The following LRRIQ3 variants were observed in gnomAD, a reference collection of about 807,000 sequenced individuals.
LRRIQ3 encodes the protein leucine-rich repeat and IQ domain-containing protein 3.
Under a neutral mutation model 59.3 loss-of-function variants are expected in LRRIQ3, and 75 were observed. The observed-to-expected ratio is 1.26, with a 90% CI of 1.05 to 1.53. The LOEUF is 1.53. Among genes scored for constraint, LRRIQ3 ranks in the 40% most tolerant of loss-of-function variants. The probability of loss-of-function intolerance (pLI) is 0.00; values close to 1 mark genes in which losing one functional copy is unlikely to be tolerated. For missense variants in LRRIQ3, 831 were observed against 710.0 expected, an observed-to-expected ratio of 1.17 and a Z score of -1.94; for synonymous variants, 250 against 231.3, an observed-to-expected ratio of 1.08 and a Z score of -0.73.
intron 1 of LRRIQ3, among the ~76,000 whole-genome samples, chr1:74,191,337 C>T (rs1182228154): frequency 6.6e-6 from 1 of 151,960 alleles, no homozygotes; most frequent in Admixed American, 6.6e-5. Context: ...GTCAGATACT[C>T]ATATCTATGT....
chr1:74,067,954 A>G (rs1349688270), intron 6 of LRRIQ3, among the ~76,000 whole-genome samples: 1 of 152,088 alleles, frequency 6.6e-6, no homozygotes. Flanking sequence ...TTTTTACTAT[A>G]AGGTAACTTG....
chr1:74,041,785 A>G lies in LRRIQ3; in HGVS notation c.1146T>C (p.Pro382=), dbSNP rs1211152575. 8.1e-6 allele frequency: 13 copies of G among 1,613,538 alleles called. No homozygotes were observed. The highest frequency in any genetic ancestry group is 1.3e-5 in the African/African-American group (1 of 74,896). ...TTGGATGAGTAGTATAGATTGGCTG[A>G]GGATATGCAGGAAAAAAATGTTGTT... ...EKKQHFFPAY[P]QPIYTTHPKP... The change falls in exon 7 of 8, where the codon CCT becomes CCC. Residue 382 remains proline (P), a synonymous_variant. Coordinates refer to ENST00000354431, the MANE Select transcript of LRRIQ3 (RefSeq NM_001105659.2).
At chr1:74,110,698 C>T (rs1416460173) in intron 4 of LRRIQ3, among the ~76,000 whole-genome samples, 1 of 152,004 alleles carries the variant, frequency 6.6e-6, no homozygotes, top group Non-Finnish European at 1.5e-5. Flanking sequence ...AATCTTCTCA[C>T]TTCTAAGATG....
chr1:74,183,760 C>T, intron 1 of LRRIQ3, 76 bp from the exon 2 acceptor site: 1 of 1,297,856 alleles, frequency 7.7e-7, no homozygotes, highest in Non-Finnish European at 1.0e-6. Flanking sequence ...AAAATTTTGC[C>T]AAGAGATAGC....
Position 74,041,861 on chromosome 1 carries a change from G to C in LRRIQ3, c.1070C>G (p.Pro357Arg). The change falls in exon 7 of 8, where the codon CCC becomes CGC. Residue 357 changes from proline to arginine, a missense_variant. Coordinates refer to ENST00000354431, the MANE Select transcript of LRRIQ3 (RefSeq NM_001105659.2). Reference protein sequence around the residue: ...TSFRISVFKLPIYTSGSLKNN... With the variant: ...TSFRISVFKLRIYTSGSLKNN... ...CTTCAATGAACCTGAAGTGTATATG[G>C]GTAGTTTGAAAACTGATATCCTAAA... 1.9e-6 allele frequency: 3 copies of C among 1,612,206 alleles called. No homozygotes were observed. The highest frequency in any genetic ancestry group is 1.7e-6 in the Non-Finnish European group (2 of 1,179,278).
intron 6 of LRRIQ3, 48 bp from the exon 7 acceptor site, chr1:74,041,981 C>A: frequency 7.0e-7 from 1 of 1,425,282 alleles, no homozygotes; most frequent in Admixed American, 2.5e-5. Flanking sequence ...GAGCTAAGTA[C>A]ATTTTATTTT....
rs1476652868 is a variant in LRRIQ3, at chr1:74,088,608, G to A, written c.868-13818C>T. ...CTCAACAAATGGTAGTGGGACAAGTGGATATCTATATGTAAAATAATAAAG... is the reference window on the plus strand; with the variant it reads ...CTCAACAAATGGTAGTGGGACAAGTAGATATCTATATGTAAAATAATAAAG... On this transcript the variant is annotated intron_variant, in intron 5 of 7. Coordinates refer to ENST00000354431, the MANE Select transcript of LRRIQ3 (RefSeq NM_001105659.2). 2.0e-5 allele frequency among the ~76,000 whole-genome samples: 3 copies of A among 151,792 alleles called. No homozygotes were observed. In the South Asian group the frequency reaches 6.2e-4, roughly 31 times the overall value.
At chr1:74,042,029 T>A in intron 6 of LRRIQ3, 96 bp from the exon 7 acceptor site, 1 of 1,197,464 alleles carries the variant, frequency 8.4e-7, no homozygotes, top group Non-Finnish European at 1.1e-6. Flanking sequence ...AAGAACCTTT[T>A]ATTTACTTTA....
chr1:74,136,654 C>T (rs1386100285), intron 4 of LRRIQ3, among the ~76,000 whole-genome samples: 1 of 151,892 alleles, frequency 6.6e-6, no homozygotes, highest in African/African-American at 2.4e-5. Flanking sequence ...TTCTTATCCA[C>T]CATTCAAAAT....
At chr1:74,083,033 C>T (rs374299506) in intron 5 of LRRIQ3, 1 of 151,602 alleles carries the variant, frequency 6.6e-6, no homozygotes, top group African/African-American at 2.4e-5. Context: ...CCGCCAAATG[C>T]CACATGTATC....
At chr1:74,112,341 T>C (rs1438789964) in intron 4 of LRRIQ3, among the ~76,000 whole-genome samples, 1 of 152,082 alleles carries the variant, frequency 6.6e-6, no homozygotes, top group Non-Finnish European at 1.5e-5. Flanking sequence ...CAGTAGAGAT[T>C]ATGATGTTAA....
chr1:74,080,376 A>C (rs1206275047), intron 5 of LRRIQ3, among the ~76,000 whole-genome samples: 1 of 151,728 alleles, frequency 6.6e-6, no homozygotes, highest in Non-Finnish European at 1.5e-5. Flanking sequence ...CAATTGACAA[A>C]TTGAATAAGT....
chr1:74,030,203 T>C (rs1227149417), intron 7 of LRRIQ3, among the ~76,000 whole-genome samples: 1 of 152,032 alleles, frequency 6.6e-6, no homozygotes, highest in African/African-American at 2.4e-5. Flanking sequence ...CCCAAGGTAA[T>C]TTATAGATTC....
chr1:74,135,974 A>T (rs186480541), intron 4 of LRRIQ3, among the ~76,000 whole-genome samples: 16 of 152,018 alleles, frequency 1.1e-4, no homozygotes, highest in African/African-American at 3.9e-4. Flanking sequence ...TGAAAATATC[A>T]ACAAAATGGC....
chr1:74,142,221 C>G (rs1647290590), intron 4 of LRRIQ3, among the ~76,000 whole-genome samples: 1 of 151,846 alleles, frequency 6.6e-6, no homozygotes, highest in South Asian at 2.1e-4. Flanking sequence ...TAGGAACCTC[C>G]ATATTTTTCC....
intron 1 of LRRIQ3, among the ~76,000 whole-genome samples, chr1:74,196,007 T>G (rs2100751534): frequency 6.6e-6 from 1 of 152,108 alleles, no homozygotes; most frequent in South Asian, 2.1e-4. Context: ...TTTTAATTTT[T>G]TTTTTACTAA....
intron 5 of LRRIQ3, among the ~76,000 whole-genome samples, chr1:74,096,320 T>C (rs535367062): frequency 1.4e-4 from 21 of 152,226 alleles, no homozygotes; most frequent in African/African-American, 7.2e-5. Flanking sequence ...GTATGGTGGA[T>C]CCTTTAAAAA....
At chr1:74,059,007 G>T (rs1238941130) in intron 6 of LRRIQ3, among the ~76,000 whole-genome samples, 6 of 151,970 alleles carry the variant, frequency 3.9e-5, no homozygotes, top group Non-Finnish European at 7.4e-5. Context: ...ATCTGAATGG[G>T]TGTGAAATAG....
At chr1:74,047,506 G>T (rs1654240589) in intron 6 of LRRIQ3, among the ~76,000 whole-genome samples, 1 of 151,960 alleles carries the variant, frequency 6.6e-6, no homozygotes, top group Non-Finnish European at 1.5e-5. Context: ...ATGGGTTGAT[G>T]GGTGCAGCAT....
Sources: allele counts gnomAD v4.1 joint callset (sites outside exome capture counted in the v4.1 genomes callset), GRCh38; gene constraint gnomAD v4.1.1; transcripts MANE v1.5; gene names NCBI Gene and HGNC (gene_info 2026-07-23, HGNC 2026-07-21).